The following TRIP13 variants were observed in gnomAD, a reference collection of about 807,000 sequenced individuals.
TRIP13 encodes the protein thyroid hormone receptor interactor 13.
Under a neutral mutation model 54.4 loss-of-function variants are expected in TRIP13, and 25 were observed. The observed-to-expected ratio is 0.46, with a 90% CI of 0.33 to 0.64. The LOEUF (loss-of-function observed/expected upper bound fraction) is 0.64. Ranked by LOEUF, TRIP13 falls within the 30% of genes least tolerant of loss-of-function variation. The pLI is 0.02. For missense variants in TRIP13, 373 were observed against 534.2 expected (o/e 0.70, Z 2.97); for synonymous variants, 207 against 207.8 (o/e 1.00, Z 0.03).
rs1365793995 is a variant in TRIP13, at chr5:907,291, C to G, written c.672+98C>G. The G allele has an allele frequency of 1.8e-6, 2 of 1,104,456 alleles. No individual in the cohort carries two copies. Among genetic ancestry groups the G allele is most frequent in the Non-Finnish European group, 2.7e-6 (2 of 742,952 alleles). The allele number at this position is 1,104,456 out of a possible 1,614,324, so 68.4% of individuals were successfully genotyped here. A position where few individuals can be genotyped will look rare whatever the true frequency, so the allele number is the denominator to read the frequency against. ...CTCCTCCAGAAGCTTCAGGAGAGAA[C>G]TGGGTGGGAAGGGTGTGTGAGGATT... is the stretch of plus-strand genomic sequence containing the variant. On this transcript the variant is annotated intron_variant, in intron 7 of 12. Coordinates refer to ENST00000166345, the MANE Select transcript of TRIP13 (RefSeq NM_004237.4). The surrounding 1 kb of genome is among the most constrained non-coding windows in gnomAD (Gnocchi z 4.1).
intron 3 of TRIP13, 50 bp from the exon 4 acceptor site, chr5:900,444 T>C (rs758716508): frequency 3.4e-5 from 54 of 1,597,220 alleles, no homozygotes; most frequent in Non-Finnish European, 4.5e-5. Flanking sequence ...TGGGGGTGGC[T>C]GTAATTGCTT....
Position 904,206 on chromosome 5 carries a change from T to G in TRIP13, c.594T>G (p.Ile198Met). ...LCKALAQKLTIRLSSRYRYGQ... is the reference protein window; with the variant it reads ...LCKALAQKLTMRLSSRYRYGQ... ...AAGCGTTAGCCCAGAAATTGACAAT[T>G]AGACTTTCAAGCAGGTAACTTTCGG... Residue 198 changes from isoleucine to methionine, a missense_variant, in exon 6 of 13, where the codon ATT (isoleucine) becomes ATG (methionine). Physicochemically the swap from Ile to Met is conservative, Grantham distance 10. Around this residue, in one of 4 missense-constraint regions of TRIP13, gnomAD observed 119 missense variants for 223.0 expected, o/e 0.53. Coordinates refer to ENST00000166345, the MANE Select transcript of TRIP13 (RefSeq NM_004237.4). 1 of 1,608,748 alleles carries G rather than the reference T, an allele frequency of 6.2e-7. No homozygotes were observed. The highest frequency in any genetic ancestry group is 8.5e-7 in the Non-Finnish European group (1 of 1,178,322).
chr5:910,620 G>A (rs1344545964), intron 9 of TRIP13, among the ~76,000 whole-genome samples: 1 of 152,140 alleles, frequency 6.6e-6, no homozygotes, highest in Non-Finnish European at 1.5e-5. Context: ...GTGTGGCTCA[G>A]GAAGAAACAA....
intron 2 of TRIP13, among the ~76,000 whole-genome samples, chr5:896,193 G>A (rs1162231109): frequency 6.6e-6 from 1 of 152,166 alleles, no homozygotes; most frequent in Non-Finnish European, 1.5e-5. Context: ...CACACTTGTA[G>A]TGTCAGCTAC....
intron 6 of TRIP13, among the ~76,000 whole-genome samples, chr5:905,503 C>T (rs1754096841): frequency 6.6e-6 from 1 of 152,226 alleles, no homozygotes; most frequent in Admixed American, 6.5e-5. Context: ...ACTCCAATCT[C>T]TGTCTCCTCG....
intron 9 of TRIP13, among the ~76,000 whole-genome samples, chr5:909,361 CAG>C (rs1490074184): frequency 6.6e-6 from 1 of 152,212 alleles, no homozygotes; most frequent in African/African-American, 2.4e-5. Context: ...TTTCTGTCCT[CAG>C]GGTGCCTGGG....
chr5:911,241 C>T lies in TRIP13; in HGVS notation c.867-602C>T, dbSNP rs968175256. Among the ~76,000 whole-genome samples the T allele has an allele frequency of 2.0e-5, 3 of 152,164 alleles. No individual in the cohort carries two copies. The highest frequency in any genetic ancestry group is 6.5e-5 in the Admixed American group (1 of 15,284). ...AGGTGGTGGTGGGCACCAGAGCCCACGGTAGGTGGCACAATCAGGAACGCC... is the reference window on the plus strand; with the variant it reads ...AGGTGGTGGTGGGCACCAGAGCCCATGGTAGGTGGCACAATCAGGAACGCC... On this transcript the variant is annotated intron_variant, in intron 9 of 12. Coordinates refer to ENST00000166345, the MANE Select transcript of TRIP13 (RefSeq NM_004237.4). The surrounding 1 kb of genome is among the most constrained non-coding windows in gnomAD (Gnocchi z 4.7).
At chr5:893,377 ACCCTGC>A (rs138113921) in intron 1 of TRIP13, among the ~76,000 whole-genome samples, 15,905 of 151,764 alleles carry the variant, frequency 0.1, 1,436 homozygotes, top group African/African-American at 0.25. Flanking sequence ...CCTGGCCCTG[ACCCTGC>A]CCCTGCCCCG....
rs1356141115 is a variant in TRIP13, at chr5:907,537, T to A, written c.672+344T>A. On this transcript the variant is annotated intron_variant, in intron 7 of 12. Transcript: ENST00000166345. The surrounding 1 kb of genome is among the most constrained non-coding windows in gnomAD (Gnocchi z 4.1). ...GGGGGTCAGACAAGGTGATGTCACA[T>A]GTGATTCTTACCTCTGAGGAGCTGT... Among the ~76,000 whole-genome samples, 1 of 152,236 alleles carries A rather than the reference T, an allele frequency of 6.6e-6. No individual in the cohort carries two copies. Among genetic ancestry groups the A allele is most frequent in the Admixed American group, 6.5e-5 (1 of 15,290 alleles).
At position 893,150 on chromosome 5, in the gene TRIP13, G is replaced by A. The variant is rs1753724121; in HGVS notation, c.92+60G>A. 13 of 1,455,518 alleles carry A rather than the reference G, an allele frequency of 8.9e-6. No individual in the cohort carries two copies. In the South Asian group the frequency reaches 1.3e-4, roughly 15 times the overall value. 90.2% of individuals were successfully genotyped at this position (1,455,518 alleles called of 1,614,324 possible). A position where few individuals can be genotyped will look rare whatever the true frequency, so the allele number is the denominator to read the frequency against. On this transcript the variant is annotated intron_variant, in intron 1 of 12. Coordinates refer to ENST00000166345, the MANE Select transcript of TRIP13 (RefSeq NM_004237.4). Reference sequence around the variant, plus strand: ...CCCACCCGCCCCGACCCCAGCGCGTGCACCGAGCCCCGACCCCAGCGCACT... The same window carrying A: ...CCCACCCGCCCCGACCCCAGCGCGTACACCGAGCCCCGACCCCAGCGCACT...
chr5:911,027 G>C lies in TRIP13; in HGVS notation c.867-816G>C, dbSNP rs1475019401. ...CAGCCACGCCCCCCAGGCCTGTGCA[G>C]CATGCTCCCTGGGGGCACCTTGTGC... On this transcript the variant is annotated intron_variant, in intron 9 of 12. Coordinates refer to ENST00000166345, the MANE Select transcript of TRIP13 (RefSeq NM_004237.4). This position sits in a 1 kb window ranked among gnomAD's most constrained non-coding sequence, Gnocchi z 4.7. Among the ~76,000 whole-genome samples the C allele has an allele frequency of 6.6e-6, 1 of 152,246 alleles. No individual in the cohort carries two copies. The highest frequency in any genetic ancestry group is 1.5e-5 in the Non-Finnish European group (1 of 68,036).
In TRIP13 at chr5:907,298, G is replaced by A. The variant is rs934438965; in HGVS notation, c.672+105G>A. 2.6e-5 allele frequency: 27 copies of A among 1,031,778 alleles called. No homozygotes were observed. Among genetic ancestry groups the A allele is most frequent in the Non-Finnish European group, 3.5e-5 (24 of 682,446 alleles). 63.9% of individuals were successfully genotyped at this position (1,031,778 alleles called of 1,614,324 possible). On this transcript the variant is annotated intron_variant, in intron 7 of 12. Transcript: ENST00000166345. This position sits in a 1 kb window ranked among gnomAD's most constrained non-coding sequence, Gnocchi z 4.1. Reference sequence around the variant, plus strand: ...AGAAGCTTCAGGAGAGAACTGGGTGGGAAGGGTGTGTGAGGATTGGGGCTG... The same window carrying A: ...AGAAGCTTCAGGAGAGAACTGGGTGAGAAGGGTGTGTGAGGATTGGGGCTG...
intron 3 of TRIP13, 89 bp from the exon 4 acceptor site, chr5:900,405 G>A: frequency 4.6e-6 from 6 of 1,315,796 alleles, no homozygotes; most frequent in Non-Finnish European, 6.5e-6. Flanking sequence ...ACAATGGGAA[G>A]CTCAGGCTTA....
intron 6 of TRIP13, among the ~76,000 whole-genome samples, chr5:905,194 T>C (rs1018986805): frequency 1.3e-5 from 2 of 152,208 alleles, no homozygotes; most frequent in South Asian, 4.1e-4. Flanking sequence ...AACACTCAAT[T>C]GTGGTCCTCT....
intron 5 of TRIP13, among the ~76,000 whole-genome samples, chr5:901,775 A>C (rs529924902): frequency 5.3e-5 from 8 of 152,254 alleles, no homozygotes; most frequent in African/African-American, 1.9e-4. Flanking sequence ...GGCATGCGCC[A>C]CCACACCCAG....
In TRIP13 at chr5:912,141, G is replaced by T; in HGVS notation, c.1020+145G>T. The T allele has an allele frequency of 9.0e-7, 1 of 1,111,936 alleles. No individual in the cohort carries two copies. Among genetic ancestry groups the T allele is most frequent in the Non-Finnish European group, 1.2e-6 (1 of 800,286 alleles). The allele number at this position is 1,111,936 out of a possible 1,614,324, so 68.9% of individuals were successfully genotyped here. A position where few individuals can be genotyped will look rare whatever the true frequency, so the allele number is the denominator to read the frequency against. ...CCTTCTTAAATTGAAAACTAGTTTT[G>T]TATGTGACAGGTTGAGCTGATAGTT... On this transcript the variant is annotated intron_variant, in intron 10 of 12. Transcript: ENST00000166345. The surrounding 1 kb of genome is among the most constrained non-coding windows in gnomAD (Gnocchi z 7.2).
chr5:896,003 C>A (rs1019157753), intron 2 of TRIP13, among the ~76,000 whole-genome samples: 1 of 151,974 alleles, frequency 6.6e-6, no homozygotes, highest in Non-Finnish European at 1.5e-5. Flanking sequence ...GAGTTAATAA[C>A]AAATGTAAAA....
chr5:916,497 A>C (rs1442979621), intron 12 of TRIP13, among the ~76,000 whole-genome samples: 1 of 152,226 alleles, frequency 6.6e-6, no homozygotes, highest in Non-Finnish European at 1.5e-5. Context: ...TTTCCTTTCA[A>C]ATCAGAAGTG....
rs1309051391 is a variant in TRIP13 at position 911,009 on chromosome 5, G to A, written c.867-834G>A. On this transcript the variant is annotated intron_variant, in intron 9 of 12. Coordinates refer to ENST00000166345, the MANE Select transcript of TRIP13 (RefSeq NM_004237.4). This position sits in a 1 kb window ranked among gnomAD's most constrained non-coding sequence, Gnocchi z 4.7. ...GTAGCACTGCCACATGTGCAGCCACGCCCCCCAGGCCTGTGCAGCATGCTC... is the reference window on the plus strand; with the variant it reads ...GTAGCACTGCCACATGTGCAGCCACACCCCCCAGGCCTGTGCAGCATGCTC... Among the ~76,000 whole-genome samples, 5 of 152,226 alleles carry A rather than the reference G, an allele frequency of 3.3e-5. No homozygotes were observed. Among genetic ancestry groups the A allele is most frequent in the Non-Finnish European group, 7.3e-5 (5 of 68,038 alleles).
Sources: allele counts gnomAD v4.1 joint callset (sites outside exome capture counted in the v4.1 genomes callset), GRCh38; gene constraint gnomAD v4.1.1; regional missense constraint gnomAD v4.1.1; non-coding constraint Gnocchi (gnomAD v3.1); transcripts MANE v1.5; gene names NCBI Gene and HGNC (gene_info 2026-07-23, HGNC 2026-07-21).